Variants in CAVIN4 observed in about 807,000 individuals in gnomAD.
CAVIN4 encodes caveolae associated protein 4, also known as caveolae-associated protein 4.
A neutral mutation model predicts 18.6 loss-of-function variants in CAVIN4; 10 were observed. The observed-to-expected ratio is 0.54, with a 90% confidence interval of 0.33 to 0.91. The LOEUF is 0.91. Ranked by LOEUF, CAVIN4 falls within the 40% of genes least tolerant of loss-of-function variation. The pLI, the probability that CAVIN4 is intolerant of heterozygous loss-of-function variation, is 0.02. For synonymous variants in CAVIN4, 173 were observed against 164.8 expected, an observed-to-expected ratio of 1.05 and a Z score of -0.38; for missense variants, 459 against 440.5, an observed-to-expected ratio of 1.04 and a Z score of -0.38.
upstream of CAVIN4, chr9:100,578,020 C>G: frequency 1.2e-6 from 1 of 859,582 alleles, no homozygotes; most frequent in Non-Finnish European, 1.9e-6. Flanking sequence ...AATACTTGAC[C>G]GTTCTCTAGG....
Position 100,585,779 on chromosome 9 carries a change from T to G in CAVIN4, c.423T>G (p.Cys141Trp). 1 of 1,614,062 alleles carries G rather than the reference T, an allele frequency of 6.2e-7. No individual in the cohort carries two copies. Among genetic ancestry groups the G allele is most frequent in the Middle Eastern group, 1.6e-4 (1 of 6,062 alleles). The part of the protein sequence containing the change: ...RVVIFQEKFR[C>W]PTSLSVVKDR... Reference sequence around the variant, plus strand: ...CTCTCCTTCAGGAGAAGTTTCGGTGTCCGACATCCCTGTCTGTTGTTAAAG... The same window carrying G: ...CTCTCCTTCAGGAGAAGTTTCGGTGGCCGACATCCCTGTCTGTTGTTAAAG... Residue 141 changes from cysteine to tryptophan, a missense_variant, in exon 2 of 2, where the codon TGT becomes TGG. Cys to Trp is a radical substitution (Grantham distance 215, BLOSUM62 -2). Transcript: ENST00000307584.
chr9:100,585,811 ACCT>A lies in CAVIN4; in HGVS notation c.456_458del (p.Asn152_Leu153delinsLys), dbSNP rs1385344266. On this transcript the variant is annotated inframe_deletion, in exon 2 of 2. Coordinates refer to ENST00000307584, the MANE Select transcript of CAVIN4 (RefSeq NM_001018116.2). ...TCCCTGTCTGTTGTTAAAGACAGAA[ACCT>A]AACTGAGAACCAAGAAGAGGATGAT... 6.2e-7 allele frequency: 1 copy of A among 1,614,058 alleles called. No homozygotes were observed. Among genetic ancestry groups the A allele is most frequent in the Non-Finnish European group, 8.5e-7 (1 of 1,180,038 alleles).
chr9:100,587,719 C>T lies in CAVIN4; in HGVS notation c.*1268C>T, dbSNP rs1190149355. 1 of 152,182 alleles carries T rather than the reference C, an allele frequency of 6.6e-6. No individual in the cohort carries two copies. Among genetic ancestry groups the T allele is most frequent in the Non-Finnish European group, 1.5e-5 (1 of 68,112 alleles). 9.4% of individuals were successfully genotyped at this position (152,182 alleles called of 1,614,324 possible). A position where few individuals can be genotyped will look rare whatever the true frequency, so the allele number is the denominator to read the frequency against. ...ACCAGCCTGACCAACATGGCGAAAC[C>T]CTGACTCTACTGAAAATACAAAAAT... On this transcript the variant is annotated 3_prime_UTR_variant, in exon 2 of 2. Coordinates refer to ENST00000307584, the MANE Select transcript of CAVIN4 (RefSeq NM_001018116.2).
Position 100,586,038 on chromosome 9 carries a change from C to G in CAVIN4, c.682C>G (p.Pro228Ala), listed in dbSNP as rs764421045. The part of the protein sequence containing the change: ...VNRIRTRIVT[P>A]ERRERLRQSG... Reference sequence around the variant, plus strand: ...CAGAATTAGAACTAGAATAGTGACCCCGGAGAGGAGAGAGAGGCTAAGGCA... The same window carrying G: ...CAGAATTAGAACTAGAATAGTGACCGCGGAGAGGAGAGAGAGGCTAAGGCA... The change falls in exon 2 of 2, where the codon CCG becomes GCG. Residue 228 changes from proline (P) to alanine (A), a missense_variant. Transcript: ENST00000307584. The G allele has an allele frequency of 1.2e-6, 2 of 1,614,010 alleles. No individual in the cohort carries two copies. The highest frequency in any genetic ancestry group is 4.5e-5 in the East Asian group (2 of 44,884).
rs1554690779 is a variant in CAVIN4 at position 100,578,439 on chromosome 9, A to G, written c.296A>G (p.His99Arg). The change falls in exon 1 of 2, where the codon CAC (histidine) becomes CGC (arginine). Residue 99 changes from histidine (H) to arginine (R), a missense_variant. His to Arg is a conservative substitution (Grantham distance 29). Transcript: ENST00000307584. ...GAGAAAACCCGAAAAGTTAGTGCTC[A>G]CATTAAAGATGTGAAAGCCCGGGTG... Reference protein sequence around the residue: ...LFEKTRKVSAHIKDVKARVEK... With the variant: ...LFEKTRKVSARIKDVKARVEK... 1.9e-6 allele frequency: 3 copies of G among 1,613,990 alleles called. No individual in the cohort carries two copies. Among genetic ancestry groups the G allele is most frequent in the Non-Finnish European group, 1.7e-6 (2 of 1,179,958 alleles).
At position 100,586,069 on chromosome 9, in the gene CAVIN4, G is replaced by A. The variant is rs747907869; in HGVS notation, c.713G>A (p.Gly238Glu). 1.2e-6 allele frequency: 2 copies of A among 1,612,308 alleles called. No individual in the cohort carries two copies. Among genetic ancestry groups the A allele is most frequent in the Non-Finnish European group, 1.7e-6 (2 of 1,178,496 alleles). ...AGGAGAGAGAGGCTAAGGCAGTCAG[G>A]AGAGAGGCTGAGACAGTCAGGGGAG... Reference protein sequence around the residue: ...PERRERLRQSGERLRQSGERL... With the variant: ...PERRERLRQSEERLRQSGERL... The change falls in exon 2 of 2, where the codon GGA (glycine) becomes GAA (glutamate). Residue 238 changes from glycine (G) to glutamate (E), a missense_variant. Coordinates refer to ENST00000307584, the MANE Select transcript of CAVIN4 (RefSeq NM_001018116.2).
Position 100,585,968 on chromosome 9 carries a change from A to C in CAVIN4, c.612A>C (p.Lys204Asn), listed in dbSNP as rs367705879. Residue 204 changes from lysine to asparagine, a missense_variant, in exon 2 of 2, where the codon AAA (lysine) becomes AAC (asparagine). By Grantham distance (94) the Lys-to-Asn change is moderately conservative. Coordinates refer to ENST00000307584, the MANE Select transcript of CAVIN4 (RefSeq NM_001018116.2). Reference protein sequence around the residue: ...HIDNIKKAFSKENMQKTRQNL... With the variant: ...HIDNIKKAFSNENMQKTRQNL... ...ATAATATCAAGAAGGCATTTTCCAA[A>C]GAAAACATGCAGAAGACACGGCAGA... 1.9e-6 allele frequency: 3 copies of C among 1,614,100 alleles called. No individual in the cohort carries two copies. The African/African-American group carries it at 4.0e-5, about 22-fold the overall frequency.
Position 100,588,025 on chromosome 9 carries a change from C to A in CAVIN4, c.*1574C>A, listed in dbSNP as rs1839502478. ...TTTGAAGAGTTGGGACAACGATCAG[C>A]TATCCCACTTTTTTTCTCACTTTCA... is the stretch of plus-strand genomic sequence containing the variant. On this transcript the variant is annotated 3_prime_UTR_variant, in exon 2 of 2. Transcript: ENST00000307584. 6.6e-6 allele frequency: 1 copy of A among 152,190 alleles called. No homozygotes were observed. The highest frequency in any genetic ancestry group is 2.4e-5 in the African/African-American group (1 of 41,460). 9.4% of individuals were successfully genotyped at this position (152,190 alleles called of 1,614,324 possible).
intron 1 of CAVIN4, among the ~76,000 whole-genome samples, chr9:100,585,070 A>G (rs1839462978): frequency 6.6e-6 from 1 of 152,224 alleles, no homozygotes; most frequent in Non-Finnish European, 1.5e-5. Flanking sequence ...AAAAGATGTG[A>G]TCAAAGCTAT....
rs137921742 is a variant in CAVIN4 at position 100,578,535 on chromosome 9, G to A, written c.392G>A (p.Arg131His). 5,852 of 1,613,196 alleles carry A rather than the reference G, an allele frequency of 3.6e-3. 320 individuals carry two copies. The Admixed American group carries it at 0.091, about 25-fold the overall frequency. ...QEEIMKKNKF[R>H]VVIFQEKFRC... ...GAAATAATGAAGAAAAACAAATTCC[G>A]CGTGGTAATATTCCAGGTAAGCTTG... is the stretch of plus-strand genomic sequence containing the variant. The change falls in exon 1 of 2, where the codon CGC (arginine) becomes CAC (histidine). Residue 131 changes from arginine to histidine, a missense_variant. By Grantham distance (29) the Arg-to-His change is conservative. Transcript: ENST00000307584.
chr9:100,580,214 C>T (rs1839413934), intron 1 of CAVIN4, among the ~76,000 whole-genome samples: 1 of 151,892 alleles, frequency 6.6e-6, no homozygotes, highest in African/African-American at 2.4e-5. Context: ...GGAGGGTCAC[C>T]TGTGGGGAGG....
chr9:100,577,954 G>T (rs1436747338), upstream of CAVIN4: 22 of 572,302 alleles, frequency 3.8e-5, no homozygotes, highest in East Asian at 6.7e-4. Context: ...ACAGTCCCCG[G>T]TGCTTTGCAA....
chr9:100,578,316 A>G lies in CAVIN4; in HGVS notation c.173A>G (p.His58Arg), dbSNP rs750176327. 6.2e-7 allele frequency: 1 copy of G among 1,614,006 alleles called. No individual in the cohort carries two copies. The highest frequency in any genetic ancestry group is 1.3e-5 in the African/African-American group (1 of 74,906). ...QASQKRIEER[H>R]REMENAIKSV... The stretch of plus-strand genomic sequence containing the variant: ...AGCCAGAAGAGAATAGAAGAGAGAC[A>G]CAGGGAAATGGAAAATGCCATAAAA... The change falls in exon 1 of 2, where the codon CAC (histidine) becomes CGC (arginine). Residue 58 changes from histidine (H) to arginine (R), a missense_variant. His to Arg is a conservative substitution (Grantham distance 29). Transcript: ENST00000307584.
Position 100,586,754 on chromosome 9 carries a change from A to C in CAVIN4, c.*303A>C, listed in dbSNP as rs1205783334. On this transcript the variant is annotated 3_prime_UTR_variant, in exon 2 of 2. Coordinates refer to ENST00000307584, the MANE Select transcript of CAVIN4 (RefSeq NM_001018116.2). ...GAACTCTAAATATTGGTTAGGATTA[A>C]TATTGTGGCCAGCCTCAAAGGGGAA... 1.4e-5 allele frequency: 3 copies of C among 220,028 alleles called. No individual in the cohort carries two copies. Among genetic ancestry groups the C allele is most frequent in the African/African-American group, 7.0e-5 (3 of 43,078 alleles). The allele number at this position is 220,028 out of a possible 1,614,324, so 13.6% of individuals were successfully genotyped here. A position where few individuals can be genotyped will look rare whatever the true frequency, so the allele number is the denominator to read the frequency against.
chr9:100,582,081 A>G (rs1281733332), intron 1 of CAVIN4, among the ~76,000 whole-genome samples: 2 of 152,166 alleles, frequency 1.3e-5, no homozygotes, highest in Non-Finnish European at 2.9e-5. Flanking sequence ...ATATTTATAT[A>G]TTTTTTGATT....
chr9:100,579,877 C>T (rs1414464812), intron 1 of CAVIN4, among the ~76,000 whole-genome samples: 2 of 152,096 alleles, frequency 1.3e-5, no homozygotes, highest in African/African-American at 4.8e-5. Flanking sequence ...TTCTCCATAG[C>T]CCTCTGTTGA....
intron 1 of CAVIN4, among the ~76,000 whole-genome samples, chr9:100,581,635 C>T (rs1453789996): frequency 6.6e-6 from 1 of 152,116 alleles, no homozygotes; most frequent in African/African-American, 2.4e-5. Context: ...TGACTCTACT[C>T]CTGTTTTGTT....
rs145774333 is a variant in CAVIN4 at position 100,586,256 on chromosome 9, C to A, written c.900C>A (p.Ser300Arg). The change falls in exon 2 of 2, where the codon AGC (serine) becomes AGA (arginine). Residue 300 changes from serine to arginine, a missense_variant. Transcript: ENST00000307584. ...TGGGTGTGGACATCATTGCCAGGAG[C>A]GAGTCTCTGGGCCCCATCAGTGAGC... ...REMGVDIIAR[S>R]ESLGPISELY... 2.5e-6 allele frequency: 4 copies of A among 1,580,638 alleles called. No individual in the cohort carries two copies. Among genetic ancestry groups the A allele is most frequent in the Non-Finnish European group, 3.4e-6 (4 of 1,162,404 alleles).
At chr9:100,579,114 CTTA>C (rs1034283149) in intron 1 of CAVIN4, among the ~76,000 whole-genome samples, 13 of 152,086 alleles carry the variant, frequency 8.5e-5, no homozygotes, top group Admixed American at 3.9e-4. Flanking sequence ...AATTATTTTT[CTTA>C]TTATTATAGT....
Sources: allele counts gnomAD v4.1 joint callset (sites outside exome capture counted in the v4.1 genomes callset), GRCh38; gene constraint gnomAD v4.1.1; transcripts MANE v1.5; gene names NCBI Gene and HGNC (gene_info 2026-07-23, HGNC 2026-07-21).